PKIA: variants seen among roughly 807,000 people sequenced by gnomAD.
PKIA encodes the protein PKI-alpha.
Under a neutral mutation model 7.6 loss-of-function variants are expected in PKIA, and 4 were observed. The observed-to-expected ratio is 0.52, with a 90% CI of 0.26 to 1.20. The LOEUF (loss-of-function observed/expected upper bound fraction) is 1.20, where lower values mean the gene tolerates loss of function less well. Among genes scored for constraint, PKIA ranks in the 50% most tolerant of loss-of-function variants. The probability of loss-of-function intolerance (pLI) is 0.13; values close to 1 mark genes in which losing one functional copy is unlikely to be tolerated. For synonymous variants in PKIA, 21 were observed against 30.7 expected, an observed-to-expected ratio of 0.68 and a Z score of 1.04; for missense variants, 73 against 86.2, an observed-to-expected ratio of 0.85 and a Z score of 0.61.
intron 1 of PKIA, among the ~76,000 whole-genome samples, chr8:78,547,122 T>C (rs1173446952): frequency 6.6e-6 from 1 of 152,314 alleles, no homozygotes; most frequent in East Asian, 1.9e-4. Context: ...TTTGTTTGTT[T>C]TTTTGTGATT....
intron 3 of PKIA, among the ~76,000 whole-genome samples, chr8:78,599,791 TTAAA>T (rs1201348336): frequency 6.6e-6 from 1 of 151,908 alleles, no homozygotes; most frequent in Non-Finnish European, 1.5e-5. Flanking sequence ...ATATGCTACT[TTAAA>T]TAGTCTGCAT....
Position 78,533,348 on chromosome 8 carries a change from C to T in PKIA, c.-157+16880C>T, listed in dbSNP as rs188956418. Reference sequence around the variant, plus strand: ...ACACTGACTTGATTATTCACATGTTCGTTTGCAGTTTGAATCTATTTCTGT... The same window carrying T: ...ACACTGACTTGATTATTCACATGTTTGTTTGCAGTTTGAATCTATTTCTGT... On this transcript the variant is annotated intron_variant, in intron 1 of 3. Coordinates refer to ENST00000396418, the MANE Select transcript of PKIA (RefSeq NM_006823.4). Among the ~76,000 whole-genome samples the T allele has an allele frequency of 3.3e-5, 5 of 152,196 alleles. No homozygotes were observed. The South Asian group carries it at 6.2e-4, about 19-fold the overall frequency.
chr8:78,553,089 G>GAAAAA (rs200519145), intron 1 of PKIA, among the ~76,000 whole-genome samples: 1 of 121,692 alleles, frequency 8.2e-6, no homozygotes, highest in African/African-American at 3.0e-5. Flanking sequence ...CCATTTGCAG[G>GAAAAA]AAAAAAAAAA....
chr8:78,551,628 T>TTTCTAATATAGATTTCTAATATAGA (rs1466429191), intron 1 of PKIA, among the ~76,000 whole-genome samples: 1 of 151,994 alleles, frequency 6.6e-6, no homozygotes, highest in African/African-American at 2.4e-5. Flanking sequence ...TAGATATATA[T>TTTCTAATATAGATTTCTAATATAGA]TTAAATGCTA....
chr8:78,556,910 G>A (rs1197292892), intron 1 of PKIA, among the ~76,000 whole-genome samples: 1 of 152,052 alleles, frequency 6.6e-6, no homozygotes, highest in East Asian at 1.9e-4. Context: ...GCCACTCTTT[G>A]CTTTCTGTTA....
intron 1 of PKIA, among the ~76,000 whole-genome samples, chr8:78,551,292 C>G (rs948783131): frequency 1.3e-5 from 2 of 151,812 alleles, no homozygotes; most frequent in Non-Finnish European, 2.9e-5. Context: ...TGGGCCATAC[C>G]CAGTGAAGAT....
chr8:78,574,490 T>C (rs966389967), intron 2 of PKIA, among the ~76,000 whole-genome samples: 4 of 151,998 alleles, frequency 2.6e-5, no homozygotes, highest in Non-Finnish European at 4.4e-5. Context: ...ATCTGCTGCA[T>C]TTCCAAGAGA....
At chr8:78,575,971 G>T (rs1176117956) in intron 2 of PKIA, among the ~76,000 whole-genome samples, 1 of 151,956 alleles carries the variant, frequency 6.6e-6, no homozygotes, top group African/African-American at 2.4e-5. Context: ...TCCTTTACTT[G>T]AAGACTACTG....
chr8:78,581,010 A>G (rs1459856512), intron 2 of PKIA, among the ~76,000 whole-genome samples: 1 of 152,046 alleles, frequency 6.6e-6, no homozygotes, highest in Admixed American at 6.6e-5. Context: ...AGTCTATTGC[A>G]AAGGCCTGGG....
chr8:78,541,775 G>C (rs1806696108), intron 1 of PKIA, among the ~76,000 whole-genome samples: 1 of 149,666 alleles, frequency 6.7e-6, no homozygotes, highest in Non-Finnish European at 1.5e-5. Context: ...ACATTTTCTG[G>C]CTTCTTCAGC....
chr8:78,541,924 C>T (rs772738891), intron 1 of PKIA, among the ~76,000 whole-genome samples: 3 of 151,612 alleles, frequency 2.0e-5, no homozygotes, highest in Non-Finnish European at 2.9e-5. Flanking sequence ...AATCCCAACA[C>T]TTTGGGAGAC....
chr8:78,599,372 C>CTTAA (rs1176526474), intron 3 of PKIA, among the ~76,000 whole-genome samples: 2 of 152,006 alleles, frequency 1.3e-5, no homozygotes, highest in African/African-American at 4.8e-5. Context: ...GTTTCTGACT[C>CTTAA]TTAATTATTC....
intron 2 of PKIA, among the ~76,000 whole-genome samples, chr8:78,576,150 G>A (rs1392441596): frequency 2.0e-5 from 3 of 151,956 alleles, no homozygotes; most frequent in African/African-American, 7.2e-5. Flanking sequence ...GTCACACTGA[G>A]GACTCAGGCT....
rs1241070249 is a variant in PKIA at position 78,604,684 on chromosome 8, A to AT, written c.*2869dup. The AT allele has an allele frequency of 2.6e-5, 4 of 151,960 alleles. No homozygotes were observed. Among genetic ancestry groups the AT allele is most frequent in the Admixed American group, 6.6e-5 (1 of 15,204 alleles). 9.4% of individuals were successfully genotyped at this position (151,960 alleles called of 1,614,324 possible). ...GGTCTGTAAACACAGCATGATTCAT[A>AT]TTTTTTATGTTTCATGCTACTCATT... On this transcript the variant is annotated 3_prime_UTR_variant, in exon 4 of 4. Coordinates refer to ENST00000396418, the MANE Select transcript of PKIA (RefSeq NM_006823.4).
rs980236588 is a variant in PKIA, at chr8:78,602,158, T to G, written c.*337T>G. On this transcript the variant is annotated 3_prime_UTR_variant, in exon 4 of 4. Transcript: ENST00000396418. ...CTGTAGCATCTGGCCCCTCACAATG[T>G]CAGAGGATTTAATTGTGTCTAATTG... 8.6e-6 allele frequency: 2 copies of G among 231,292 alleles called. No individual in the cohort carries two copies. The highest frequency in any genetic ancestry group is 1.7e-5 in the Non-Finnish European group (2 of 119,924). 14.3% of individuals were successfully genotyped at this position (231,292 alleles called of 1,614,324 possible). A position where few individuals can be genotyped will look rare whatever the true frequency, so the allele number is the denominator to read the frequency against.
At chr8:78,555,939 TG>T (rs1807122699) in intron 1 of PKIA, among the ~76,000 whole-genome samples, 1 of 151,984 alleles carries the variant, frequency 6.6e-6, no homozygotes, top group African/African-American at 2.4e-5. Context: ...ATGGCACTGG[TG>T]GGTAAAGGGG....
intron 1 of PKIA, among the ~76,000 whole-genome samples, chr8:78,527,081 G>A (rs1227317475): frequency 6.6e-6 from 1 of 152,016 alleles, no homozygotes; most frequent in East Asian, 1.9e-4. Context: ...ATAATTTATT[G>A]CAGTTGGTAG....
chr8:78,545,021 T>C (rs1806786073), intron 1 of PKIA, among the ~76,000 whole-genome samples: 1 of 152,090 alleles, frequency 6.6e-6, no homozygotes, highest in South Asian at 2.1e-4. Context: ...ATATGGAAAA[T>C]GCTTTCACTA....
intron 1 of PKIA, chr8:78,534,034 C>A (rs1806456207): frequency 6.6e-6 from 1 of 152,060 alleles, no homozygotes; most frequent in South Asian, 2.1e-4. Flanking sequence ...TTTATTCAAA[C>A]CAAGCCACAA....
Sources: allele counts gnomAD v4.1 joint callset (sites outside exome capture counted in the v4.1 genomes callset), GRCh38; gene constraint gnomAD v4.1.1; transcripts MANE v1.5; gene names NCBI Gene and HGNC (gene_info 2026-07-23, HGNC 2026-07-21).